The following EPHB1 variants were observed in gnomAD, a reference collection of about 807,000 sequenced individuals.
The protein encoded by EPHB1 is EPH receptor B1, also known as ephrin type-B receptor 1.
EPHB1 carries 30 observed loss-of-function variants against 94.4 expected under a neutral mutation model. The ratio of observed to expected loss-of-function variants is 0.32; its 90% CI spans 0.24 to 0.43. The LOEUF is 0.43. EPHB1 is among the 20% of genes least tolerant of loss of function. The probability of loss-of-function intolerance (pLI) is 1.00; values close to 1 mark genes in which losing one functional copy is unlikely to be tolerated. For missense variants in EPHB1, 1,055 were observed against 1,308.3 expected, an observed-to-expected ratio of 0.81 and a Z score of 2.99; for synonymous variants, 522 against 489.1, an observed-to-expected ratio of 1.07 and a Z score of -0.89.
chr3:134,890,294 T>G (rs2037954019), intron 1 of EPHB1, among the ~76,000 whole-genome samples: 1 of 152,254 alleles, frequency 6.6e-6, no homozygotes, highest in Non-Finnish European at 1.5e-5. Context: ...CTGAATCATG[T>G]CCCCTTTCTT....
chr3:135,060,232 A>G (rs1937458911), intron 3 of EPHB1, among the ~76,000 whole-genome samples: 1 of 152,160 alleles, frequency 6.6e-6, no homozygotes, highest in Admixed American at 6.5e-5. Context: ...TTCTGTCCTT[A>G]TGGATTTGCC....
At chr3:134,976,772 G>A (rs1934208979) in intron 3 of EPHB1, among the ~76,000 whole-genome samples, 1 of 152,130 alleles carries the variant, frequency 6.6e-6, no homozygotes, top group African/African-American at 2.4e-5. Context: ...TTCAACACCT[G>A]CAGGAGTTTG....
At chr3:134,971,999 AT>A (rs1169245204) in intron 3 of EPHB1, among the ~76,000 whole-genome samples, 1 of 152,178 alleles carries the variant, frequency 6.6e-6, no homozygotes, top group African/African-American at 2.4e-5. Context: ...GAAGACTCCC[AT>A]TAACACTTAT....
At chr3:134,832,844 A>G (rs1578122777) in intron 1 of EPHB1, among the ~76,000 whole-genome samples, 1 of 152,340 alleles carries the variant, frequency 6.6e-6, no homozygotes, top group East Asian at 1.9e-4. Flanking sequence ...AGAACCACAA[A>G]TAATTGAAAA....
intron 3 of EPHB1, among the ~76,000 whole-genome samples, chr3:135,076,346 C>A (rs1039340247): frequency 2.6e-5 from 4 of 151,184 alleles, no homozygotes; most frequent in Non-Finnish European, 5.9e-5. Flanking sequence ...AAAGAAGATA[C>A]ACAAATGATT....
At chr3:135,072,604 C>T (rs1434259882) in intron 3 of EPHB1, among the ~76,000 whole-genome samples, 1 of 152,124 alleles carries the variant, frequency 6.6e-6, no homozygotes, top group Non-Finnish European at 1.5e-5. Flanking sequence ...TGCCTGGGGG[C>T]CTTTGCACAT....
intron 4 of EPHB1, among the ~76,000 whole-genome samples, chr3:135,109,425 A>T (rs1939349887): frequency 6.6e-6 from 1 of 152,234 alleles, no homozygotes; most frequent in South Asian, 2.1e-4. Context: ...ATTCAGCCAA[A>T]TAGTATTGTA....
At chr3:134,984,065 A>AACTCTT (rs1934508828) in intron 3 of EPHB1, among the ~76,000 whole-genome samples, 1 of 152,162 alleles carries the variant, frequency 6.6e-6, no homozygotes, top group African/African-American at 2.4e-5. Context: ...GGGTGGTCAT[A>AACTCTT]GGGAGTTTCT....
At chr3:135,139,521 A>G (rs999711179) in intron 5 of EPHB1, among the ~76,000 whole-genome samples, 1 of 152,172 alleles carries the variant, frequency 6.6e-6, no homozygotes, top group Non-Finnish European at 1.5e-5. Flanking sequence ...TGCATGCCAT[A>G]TACTGCTCTA....
intron 6 of EPHB1, among the ~76,000 whole-genome samples, chr3:135,154,697 A>G (rs2107695346): frequency 6.6e-6 from 1 of 152,376 alleles, no homozygotes; most frequent in East Asian, 1.9e-4. Flanking sequence ...AATTATATGC[A>G]TGTACTACTG....
intron 9 of EPHB1, 135 bp from the exon 10 acceptor site, chr3:135,179,725 A>T (rs1942100597): frequency 2.1e-6 from 2 of 936,196 alleles, no homozygotes; most frequent in Non-Finnish European, 1.6e-6. Context: ...AGAGGAGGAG[A>T]GGCAGAGAAA....
intron 5 of EPHB1, among the ~76,000 whole-genome samples, chr3:135,137,563 G>A (rs962828179): frequency 5.3e-5 from 8 of 152,134 alleles, no homozygotes; most frequent in Non-Finnish European, 1.0e-4. Flanking sequence ...GTGGCAGAGT[G>A]CTGTGGGGTA....
intron 5 of EPHB1, among the ~76,000 whole-genome samples, chr3:135,136,763 G>C (rs575196606): frequency 1.6e-4 from 24 of 152,202 alleles, no homozygotes; most frequent in South Asian, 4.1e-4. Context: ...GGCCATTTTA[G>C]CTGTCAAAAA....
chr3:134,811,242 G>GGTTTTTTTTTTTTTTTTTTTTTTT (rs2036168294), intron 1 of EPHB1, among the ~76,000 whole-genome samples: 2 of 73,850 alleles, frequency 2.7e-5, no homozygotes, highest in African/African-American at 8.4e-5. Context: ...TACTAAGAAG[G>GGTTTTTTTTTTTTTTTTTTTTTTT]TTTTTTTTTT....
Position 135,134,197 on chromosome 3 carries a change from A to C in EPHB1, c.1297+1148A>C, listed in dbSNP as rs144743186. 5.0e-3 allele frequency among the ~76,000 whole-genome samples: 755 copies of C among 152,310 alleles called. 7 individuals are homozygous for C. The highest frequency in any genetic ancestry group is 8.9e-3 in the South Asian group (43 of 4,830). ...CTATTTGGAATTATAGATTTTTCTC[A>C]ATTAACAAATTCTAAAAGGACAGCT... On this transcript the variant is annotated intron_variant, in intron 5 of 15. Coordinates refer to ENST00000398015, the MANE Select transcript of EPHB1 (RefSeq NM_004441.5).
chr3:134,917,108 A>G (rs925683441), intron 1 of EPHB1, among the ~76,000 whole-genome samples: 3 of 152,216 alleles, frequency 2.0e-5, no homozygotes, highest in Non-Finnish European at 4.4e-5. Flanking sequence ...CTGTAAGACC[A>G]TGCCAGACCT....
chr3:135,074,288 T>TTTG (rs1937831872), intron 3 of EPHB1, among the ~76,000 whole-genome samples: 1 of 152,250 alleles, frequency 6.6e-6, no homozygotes, highest in Non-Finnish European at 1.5e-5. Flanking sequence ...GCTCATAGAT[T>TTTG]TAAACATACT....
chr3:134,810,272 G>T (rs1158280232), intron 1 of EPHB1, among the ~76,000 whole-genome samples: 8 of 92,474 alleles, frequency 8.7e-5, no homozygotes, highest in Non-Finnish European at 1.4e-4. Flanking sequence ...GGTAGCACAG[G>T]AGGAGTGTGT....
At chr3:134,952,315 A>C (rs16842348) in intron 3 of EPHB1, among the ~76,000 whole-genome samples, 8,012 of 151,936 alleles carry the variant, frequency 0.053, 345 homozygotes, top group African/African-American at 0.12. Context: ...CCAGTCCATA[A>C]TATTTAGTGT....
Sources: allele counts gnomAD v4.1 joint callset (sites outside exome capture counted in the v4.1 genomes callset), GRCh38; gene constraint gnomAD v4.1.1; transcripts MANE v1.5; gene names NCBI Gene and HGNC (gene_info 2026-07-23, HGNC 2026-07-21).